UNKL: variants seen among roughly 807,000 people sequenced by gnomAD.
The protein encoded by UNKL is unk like zinc finger, also known as putative E3 ubiquitin-protein ligase UNKL.
In UNKL, 60 loss-of-function variants were observed where a neutral mutation model predicts 78.0. The observed-to-expected ratio is 0.77, with a 90% CI of 0.63 to 0.95. The LOEUF (loss-of-function observed/expected upper bound fraction) is 0.95. UNKL is among the 40% of genes least tolerant of loss of function. The pLI, the probability that UNKL is intolerant of heterozygous loss-of-function variation, is 0.00. For synonymous variants in UNKL, 608 were observed against 474.8 expected, an observed-to-expected ratio of 1.28 and a Z score of -3.65; for missense variants, 1,159 against 1,045.7, an observed-to-expected ratio of 1.11 and a Z score of -1.49.
At chr16:1,395,954 C>A (rs558605213) in intron 6 of UNKL, 6 of 357,106 alleles carry the variant, frequency 1.7e-5, no homozygotes, top group Non-Finnish European at 3.4e-5. Flanking sequence ...GAGGATTTTA[C>A]TTTTTTTAGA....
At chr16:1,380,902 T>C (rs981696949) in intron 10 of UNKL, among the ~76,000 whole-genome samples, 5 of 152,132 alleles carry the variant, frequency 3.3e-5, no homozygotes, top group Admixed American at 6.5e-5. Flanking sequence ...CTTGAACTCC[T>C]GACCTCAGGT....
chr16:1,411,038 C>T (rs2038016694), intron 2 of UNKL, among the ~76,000 whole-genome samples: 1 of 152,046 alleles, frequency 6.6e-6, no homozygotes. Flanking sequence ...CACAGCGAGA[C>T]TCCATCTCTA....
intron 10 of UNKL, among the ~76,000 whole-genome samples, chr16:1,376,483 ACTC>A (rs1464155232): frequency 1.3e-5 from 2 of 150,044 alleles, no homozygotes; most frequent in Non-Finnish European, 3.0e-5. Flanking sequence ...GCTGGGGTGC[ACTC>A]CTCCTCCTGG....
At chr16:1,410,468 G>A (rs1211942834) in intron 2 of UNKL, among the ~76,000 whole-genome samples, 4 of 151,962 alleles carry the variant, frequency 2.6e-5, no homozygotes, top group Non-Finnish European at 4.4e-5. Flanking sequence ...TTAACCGGGC[G>A]TGGTGGCACA....
Position 1,397,051 on chromosome 16 carries a change from C to T in UNKL, c.852+127G>A, listed in dbSNP as rs148313356. ...CCTCATGCCTCCACCCCCAGGCTTC[C>T]CGACCTGTGCCAGCCCTCGGCCAAA... On this transcript the variant is annotated intron_variant, in intron 6 of 14. Coordinates refer to ENST00000389221, the MANE Select transcript of UNKL (RefSeq NM_001372107.1). 3.2e-4 allele frequency: 335 copies of T among 1,046,494 alleles called. No individual in the cohort carries two copies. In the African/African-American group the frequency reaches 4.5e-3, roughly 14 times the overall value. 64.8% of individuals were successfully genotyped at this position (1,046,494 alleles called of 1,614,324 possible). A position where few individuals can be genotyped will look rare whatever the true frequency, so the allele number is the denominator to read the frequency against.
chr16:1,366,930 G>A (rs1026706116), intron 14 of UNKL, among the ~76,000 whole-genome samples, 162 bp downstream of exon 14: 10 of 82,270 alleles, frequency 1.2e-4, no homozygotes, highest in Admixed American at 1.3e-4. Flanking sequence ...GAGGCCACAG[G>A]GGGCTGTGCT....
chr16:1,379,596 T>TG, intron 10 of UNKL: 2 of 985,052 alleles, frequency 2.0e-6, no homozygotes, highest in Non-Finnish European at 2.4e-6. Flanking sequence ...ACCCGCACCT[T>TG]GGCGGCGCAC....
chr16:1,369,855 G>C (rs1567200506), intron 12 of UNKL: 4 of 1,272,908 alleles, frequency 3.1e-6, no homozygotes, highest in Non-Finnish European at 4.4e-6. Context: ...CCCGCCTGTA[G>C]TCCCAGCTAC....
At chr16:1,378,431 ACTC>A (rs947658754) in intron 10 of UNKL, among the ~76,000 whole-genome samples, 3 of 152,202 alleles carry the variant, frequency 2.0e-5, no homozygotes, top group South Asian at 2.1e-4. Context: ...AGATCCAGAA[ACTC>A]CTCATGAAAA....
In UNKL at chr16:1,363,350, T is replaced by C; in HGVS notation, c.*2890A>G. The C allele has an allele frequency of 2.1e-6, 1 of 479,136 alleles. No homozygotes were observed. The highest frequency in any genetic ancestry group is 3.3e-5 in the Admixed American group (1 of 29,874). 29.7% of individuals were successfully genotyped at this position (479,136 alleles called of 1,614,324 possible). On this transcript the variant is annotated 3_prime_UTR_variant, in exon 15 of 15. Transcript: ENST00000389221. ...GCTACAAGTAAATGATTATAAATAC[T>C]ACCTTCTGGGTTAAGAAAATTCCAT...
intron 2 of UNKL, chr16:1,411,972 G>A (rs187844915): frequency 7.2e-5 from 11 of 152,270 alleles, no homozygotes; most frequent in Non-Finnish European, 1.5e-4. Context: ...ACTTCACAAG[G>A]ATCTCCGTGC....
intron 6 of UNKL, among the ~76,000 whole-genome samples, chr16:1,395,221 A>G (rs8058112): frequency 7.0e-6 from 1 of 142,882 alleles, no homozygotes; most frequent in Non-Finnish European, 1.5e-5. Flanking sequence ...AGGCTGGAGT[A>G]CAATGGTGCC....
chr16:1,400,679 TTGTG>T (rs2037486817), intron 4 of UNKL, among the ~76,000 whole-genome samples: 1 of 151,904 alleles, frequency 6.6e-6, no homozygotes, highest in Non-Finnish European at 1.5e-5. Flanking sequence ...GCATTTTATG[TTGTG>T]TGTATTTTAC....
chr16:1,381,816 G>C (rs1232131077), intron 10 of UNKL, among the ~76,000 whole-genome samples: 3 of 152,200 alleles, frequency 2.0e-5, no homozygotes, highest in Non-Finnish European at 4.4e-5. Context: ...GGTGGTGCCT[G>C]CCTGTGGTCT....
At chr16:1,413,402 C>G (rs28439055) in intron 2 of UNKL, among the ~76,000 whole-genome samples, 1,752 of 152,028 alleles carry the variant, frequency 0.012, 39 homozygotes, top group African/African-American at 0.039. Flanking sequence ...AACCCTGTCT[C>G]TACTAAAAAT....
chr16:1,402,245 C>A (rs562645084), intron 3 of UNKL, among the ~76,000 whole-genome samples: 3 of 121,102 alleles, frequency 2.5e-5, no homozygotes, highest in Non-Finnish European at 5.2e-5. Flanking sequence ...CTGCCCCAGA[C>A]TGTGTGCTGA....
At chr16:1,398,816 A>G in intron 5 of UNKL, 1 of 1,553,108 alleles carries the variant, frequency 6.4e-7, no homozygotes, top group Non-Finnish European at 8.7e-7. Context: ...CAAACCCACA[A>G]GCCAGACCCA....
intron 10 of UNKL, among the ~76,000 whole-genome samples, chr16:1,384,420 C>T (rs926730687): frequency 6.6e-6 from 1 of 152,088 alleles, no homozygotes; most frequent in Admixed American, 6.5e-5. Flanking sequence ...CAGGCCCCCA[C>T]GGGTCCCCAC....
At chr16:1,367,412 C>A in intron 13 of UNKL, 63 bp from the exon 14 acceptor site, 1 of 1,485,744 alleles carries the variant, frequency 6.7e-7, no homozygotes, top group Non-Finnish European at 8.9e-7. Context: ...GACCCTCTTG[C>A]CTGTGTCACC....
Sources: allele counts gnomAD v4.1 joint callset (sites outside exome capture counted in the v4.1 genomes callset), GRCh38; gene constraint gnomAD v4.1.1; transcripts MANE v1.5; gene names NCBI Gene and HGNC (gene_info 2026-07-23, HGNC 2026-07-21).